Variants in SLC30A5 observed in about 807,000 individuals in gnomAD.
SLC30A5 encodes the protein proton-coupled zinc antiporter SLC30A5.
SLC30A5 carries 33 observed loss-of-function variants against 79.6 expected under a neutral mutation model. The observed-to-expected ratio is 0.41, with a 90% CI of 0.31 to 0.55. The LOEUF is 0.55. Among genes scored for constraint, SLC30A5 ranks in the 20% least tolerant of loss-of-function variants. SLC30A5 has a pLI of 0.20. For synonymous variants in SLC30A5, 299 were observed against 319.7 expected (o/e 0.94, Z 0.69); for missense variants, 788 against 928.1 (o/e 0.85, Z 1.96).
rs1745895837 is a variant in SLC30A5 at position 69,100,913 on chromosome 5, T to C, written c.190T>C (p.Phe64Leu). The change falls in exon 2 of 16, where the codon TTT becomes CTT. Residue 64 changes from phenylalanine to leucine, a missense_variant. By Grantham distance (22) the Phe-to-Leu change is conservative. Transcript: ENST00000396591. ...LKAVHIVQFI[F>L]ILKLGTAFFM... ...AGCTGTTCACATTGTTCAGTTCATT[T>C]TTATATTAAAACTTGGGTGAGTGTG... 1 of 1,574,352 alleles carries C rather than the reference T, an allele frequency of 6.4e-7. No individual in the cohort carries two copies. Among genetic ancestry groups the C allele is most frequent in the Non-Finnish European group, 8.6e-7 (1 of 1,156,126 alleles).
At chr5:69,098,831 A>T (rs1295124743) in intron 1 of SLC30A5, among the ~76,000 whole-genome samples, 1 of 152,224 alleles carries the variant, frequency 6.6e-6, no homozygotes, top group Non-Finnish European at 1.5e-5. Context: ...GGTGCTCAAC[A>T]AATGTTAACT....
intron 14 of SLC30A5, 23 bp from the exon 15 acceptor site, chr5:69,127,981 A>T (rs1309575545): frequency 2.5e-6 from 4 of 1,597,108 alleles, no homozygotes; most frequent in Non-Finnish European, 3.4e-6. Flanking sequence ...ATGACCATTT[A>T]TATCACCTCT....
chr5:69,113,267 A>T lies in SLC30A5; in HGVS notation c.535+40A>T, dbSNP rs164393. ...TAGATCAGAGTTGTTTCAAGTCTTG[A>T]GGAAAACTAGAAGCCTGGAACAATG... On this transcript the variant is annotated intron_variant, in intron 6 of 15. Transcript: ENST00000396591. 640 of 1,508,684 alleles carry T rather than the reference A, an allele frequency of 4.2e-4. 6 individuals carry two copies. The African/African-American group carries it at 8.0e-3, about 19-fold the overall frequency. The allele number at this position is 1,508,684 out of a possible 1,614,324, so 93.5% of individuals were successfully genotyped here.
rs1324374365 is a variant in SLC30A5, at chr5:69,130,319, T to C, written c.*702T>C. ...AGGGTAAAGAACTTATACTAAGTTGTGTCCATGTTATTCATTTACTTACCA... is the reference window on the plus strand; with the variant it reads ...AGGGTAAAGAACTTATACTAAGTTGCGTCCATGTTATTCATTTACTTACCA... On this transcript the variant is annotated 3_prime_UTR_variant, in exon 16 of 16. Transcript: ENST00000396591. 1 of 152,216 alleles carries C rather than the reference T, an allele frequency of 6.6e-6. No individual in the cohort carries two copies. The highest frequency in any genetic ancestry group is 1.5e-5 in the Non-Finnish European group (1 of 68,024). 9.4% of individuals were successfully genotyped at this position (152,216 alleles called of 1,614,324 possible). A position where few individuals can be genotyped will look rare whatever the true frequency, so the allele number is the denominator to read the frequency against.
rs1008361760 is a variant in SLC30A5 at position 69,116,938 on chromosome 5, T to A, written c.1282-301T>A. On this transcript the variant is annotated intron_variant, in intron 10 of 15. Coordinates refer to ENST00000396591, the MANE Select transcript of SLC30A5 (RefSeq NM_022902.5). This position sits in a 1 kb window ranked among gnomAD's most constrained non-coding sequence, Gnocchi z 4.0. Reference sequence around the variant, plus strand: ...CACTATTAGCAATCAGTGTTATAAATCACCTATTGCTAACATTTTATAACC... The same window carrying A: ...CACTATTAGCAATCAGTGTTATAAAACACCTATTGCTAACATTTTATAACC... Among the ~76,000 whole-genome samples the A allele has an allele frequency of 6.6e-6, 1 of 152,230 alleles. No individual in the cohort carries two copies. The highest frequency in any genetic ancestry group is 1.5e-5 in the Non-Finnish European group (1 of 68,048).
At position 69,104,617 on chromosome 5, in the gene SLC30A5, G is replaced by T. The variant is rs1351846773; in HGVS notation, c.274-14G>T. The T allele has an allele frequency of 2.7e-6, 4 of 1,504,198 alleles. No homozygotes were observed. Among genetic ancestry groups the T allele is most frequent in the Non-Finnish European group, 2.7e-6 (3 of 1,122,804 alleles). 93.2% of individuals were successfully genotyped at this position (1,504,198 alleles called of 1,614,324 possible). On this transcript the variant is annotated splice_polypyrimidine_tract_variant and intron_variant, in intron 3 of 15. Transcript: ENST00000396591. The stretch of plus-strand genomic sequence containing the variant: ...TGTGACTGAAATTTTTAATTTTTTT[G>T]TTTCCATTTATAGTGGATCAAAATA...
At chr5:69,119,168 G>T (rs1168814587) in intron 12 of SLC30A5, among the ~76,000 whole-genome samples, 1 of 151,992 alleles carries the variant, frequency 6.6e-6, no homozygotes, top group Non-Finnish European at 1.5e-5. Flanking sequence ...CTTGTAGTTG[G>T]CATGTCCTTT....
At chr5:69,125,466 C>T (rs1746650017) in intron 14 of SLC30A5, among the ~76,000 whole-genome samples, 1 of 151,206 alleles carries the variant, frequency 6.6e-6, no homozygotes, top group Non-Finnish European at 1.5e-5. Context: ...GTGGAGGTTG[C>T]AGTGAGCTGA....
Position 69,129,856 on chromosome 5 carries a change from GT to G in SLC30A5, c.*240del. The G allele has an allele frequency of 3.1e-6, 1 of 317,568 alleles. No homozygotes were observed. Among genetic ancestry groups the G allele is most frequent in the Non-Finnish European group, 5.7e-6 (1 of 174,514 alleles). The allele number at this position is 317,568 out of a possible 1,614,324, so 19.7% of individuals were successfully genotyped here. A position where few individuals can be genotyped will look rare whatever the true frequency, so the allele number is the denominator to read the frequency against. On this transcript the variant is annotated 3_prime_UTR_variant, in exon 16 of 16. Coordinates refer to ENST00000396591, the MANE Select transcript of SLC30A5 (RefSeq NM_022902.5). ...GAATCAAATTTTGAGTAAACATGAT[GT>G]ATTACATCATCTTCAAAAATAGATA...
intron 8 of SLC30A5, 83 bp from the exon 9 acceptor site, chr5:69,115,843 T>C (rs1746355876): frequency 1.7e-6 from 2 of 1,193,472 alleles, no homozygotes; most frequent in Admixed American, 2.3e-5. Flanking sequence ...ATTTTTATTT[T>C]TTTAAAAGAT....
In SLC30A5 at chr5:69,116,147, A is replaced by C; in HGVS notation, c.1005A>C (p.Ala335=). Residue 335 remains alanine (A), a synonymous_variant, in exon 9 of 16, where the codon GCA becomes GCC. Transcript: ENST00000396591. The surrounding 1 kb of genome is among the most constrained non-coding windows in gnomAD (Gnocchi z 4.0). ...TDQLRAMNKA[A]HQESTEHVLS... The stretch of plus-strand genomic sequence containing the variant: ...AGCTTCGGGCTATGAACAAAGCAGC[A>C]CACCAGGAGAGCACTGAACACGTCC... 1 of 1,614,164 alleles carries C rather than the reference A, an allele frequency of 6.2e-7. No individual in the cohort carries two copies. The highest frequency in any genetic ancestry group is 1.3e-5 in the African/African-American group (1 of 75,046).
At chr5:69,104,102 A>G (rs1746011544) in intron 3 of SLC30A5, 1 of 1,476,050 alleles carries the variant, frequency 6.8e-7, no homozygotes, top group Non-Finnish European at 9.1e-7. Context: ...AGCAGACAAG[A>G]ATATAGATAA....
intron 5 of SLC30A5, among the ~76,000 whole-genome samples, chr5:69,112,273 G>A (rs1346363168): frequency 6.6e-6 from 1 of 151,796 alleles, no homozygotes; most frequent in Non-Finnish European, 1.5e-5. Flanking sequence ...CTCCAGCCTG[G>A]GCAACAGAGA....
chr5:69,101,067 G>A (rs903954463), intron 2 of SLC30A5, 138 bp downstream of exon 2: 8 of 792,186 alleles, frequency 1.0e-5, no homozygotes, highest in African/African-American at 1.7e-5. Flanking sequence ...TTTTTTAACT[G>A]GGAGTATACT....
intron 3 of SLC30A5, chr5:69,104,036 G>T: frequency 6.4e-7 from 1 of 1,564,286 alleles, no homozygotes; most frequent in South Asian, 1.2e-5. Context: ...GGAAACTAGT[G>T]GGAAACTGAG....
At chr5:69,095,826 A>G (rs7733034) in intron 1 of SLC30A5, among the ~76,000 whole-genome samples, 45,788 of 151,616 alleles carry the variant, frequency 0.3, 7,425 homozygotes, top group African/African-American at 0.41. Context: ...TTGGGAGGCC[A>G]AGGCAGGTGG....
intron 5 of SLC30A5, among the ~76,000 whole-genome samples, chr5:69,109,758 G>A (rs1746182487): frequency 1.3e-5 from 2 of 152,134 alleles, no homozygotes; most frequent in Admixed American, 6.6e-5. Context: ...ATTCCAAACT[G>A]TTAGAACTAT....
intron 2 of SLC30A5, among the ~76,000 whole-genome samples, chr5:69,101,676 G>C (rs907123258): frequency 6.6e-6 from 1 of 151,820 alleles, no homozygotes; most frequent in Non-Finnish European, 1.5e-5. Flanking sequence ...TTGGGAGTCA[G>C]CTGGGCACGG....
intron 5 of SLC30A5, 80 bp downstream of exon 5, chr5:69,108,516 T>C: frequency 9.0e-7 from 1 of 1,107,868 alleles, no homozygotes; most frequent in Non-Finnish European, 1.4e-6. Context: ...AATCTTATCT[T>C]TCACCATTTA....
Sources: gnomAD v4.1 joint callset for allele counts (sites outside exome capture counted in the v4.1 genomes callset) on GRCh38, gnomAD v4.1.1 for gene constraint, Gnocchi (gnomAD v3.1) non-coding constraint, MANE v1.5 for transcripts, NCBI Gene and HGNC (gene_info 2026-07-23, HGNC 2026-07-21) for gene names.